Variants in ELN observed in about 807,000 individuals in gnomAD.
The protein encoded by ELN is elastin.
In ELN, 65 loss-of-function variants were observed where a neutral mutation model predicts 105.8. The observed-to-expected ratio is 0.61, with a 90% CI of 0.50 to 0.75. The LOEUF is 0.75. Ranked by LOEUF, ELN falls within the 30% of genes least tolerant of loss-of-function variation. The pLI is 0.00. For synonymous variants in ELN, 368 were observed against 389.2 expected, an observed-to-expected ratio of 0.95 and a Z score of 0.64; for missense variants, 882 against 969.4, an observed-to-expected ratio of 0.91 and a Z score of 1.20.
intron 22 of ELN, 107 bp downstream of exon 22, chr7:74,057,803 G>A: frequency 7.5e-7 from 1 of 1,327,462 alleles, no homozygotes; most frequent in Non-Finnish European, 1.1e-6. Flanking sequence ...CCCCACTTAA[G>A]CTGTCACATT....
intron 9 of ELN, 23 bp from the exon 10 acceptor site, chr7:74,045,199 C>A (rs1792183534): frequency 6.2e-7 from 1 of 1,613,692 alleles, no homozygotes; most frequent in South Asian, 1.1e-5. Context: ...CCTTCCTACA[C>A]TCACTGCTTT....
At chr7:74,038,062 A>G in intron 4 of ELN, 1 of 402,440 alleles carries the variant, frequency 2.5e-6, no homozygotes, top group Non-Finnish European at 4.7e-6. Context: ...GTTAGAGGCA[A>G]CATCAGGGAT....
intron 1 of ELN, among the ~76,000 whole-genome samples, chr7:74,035,123 T>C (rs1385734019): frequency 9.9e-5 from 15 of 152,096 alleles, no homozygotes; most frequent in African/African-American, 3.1e-4. Context: ...AACAAAATGA[T>C]GATAGTAAGC....
At chr7:74,037,196 CTTTT>C (rs532604614) in intron 3 of ELN, among the ~76,000 whole-genome samples, 1 of 138,270 alleles carries the variant, frequency 7.2e-6, no homozygotes. Flanking sequence ...GCACCATCTT[CTTTT>C]TTTTTTTTTT....
intron 22 of ELN, among the ~76,000 whole-genome samples, chr7:74,059,191 G>T (rs1231003105): frequency 6.6e-6 from 1 of 152,112 alleles, no homozygotes; most frequent in Non-Finnish European, 1.5e-5. Flanking sequence ...TTACAGAGTT[G>T]ATTTTATTTT....
intron 9 of ELN, among the ~76,000 whole-genome samples, chr7:74,044,853 C>T (rs1020917973): frequency 6.6e-6 from 1 of 152,216 alleles, no homozygotes; most frequent in Admixed American, 6.5e-5. Context: ...GCGAGAGCCC[C>T]AGAGAGCATG....
intron 12 of ELN, among the ~76,000 whole-genome samples, 161 bp downstream of exon 12, chr7:74,046,928 AC>A (rs1487116962): frequency 6.6e-6 from 1 of 152,182 alleles, no homozygotes; most frequent in Non-Finnish European, 1.5e-5. Context: ...TACTAAAGAT[AC>A]AAAAATTAGC....
chr7:74,052,641 AGAAG>A (rs1307597568), intron 17 of ELN: 52 of 157,400 alleles, frequency 3.3e-4, no homozygotes, highest in East Asian at 9.2e-4. Context: ...AAGGAAGGAA[AGAAG>A]GAAGGAAGGA....
At position 74,043,046 on chromosome 7, in the gene ELN, A is replaced by G; in HGVS notation, c.376+12A>G. ...AGGAGTGTCTGCAGGTACGATGGCT[A>G]TCCCCGAACTCCCTGGGTCAAAGTT... On this transcript the variant is annotated intron_variant, in intron 7 of 32. Coordinates refer to ENST00000252034, the MANE Select transcript of ELN (RefSeq NM_000501.4). 1 of 1,614,088 alleles carries G rather than the reference A, an allele frequency of 6.2e-7. No individual in the cohort carries two copies. The highest frequency in any genetic ancestry group is 8.5e-7 in the Non-Finnish European group (1 of 1,180,000).
chr7:74,048,122 C>T lies in ELN; in HGVS notation c.686-20C>T, dbSNP rs782182363. ...TGGTGATGTCTGCACAGATGACCAT[C>T]AAGCCTCTCTGTTTTGCAGGCTATG... On this transcript the variant is annotated intron_variant, in intron 13 of 32. Coordinates refer to ENST00000252034, the MANE Select transcript of ELN (RefSeq NM_000501.4). 1 of 1,613,856 alleles carries T rather than the reference C, an allele frequency of 6.2e-7. No individual in the cohort carries two copies. The highest frequency in any genetic ancestry group is 1.3e-5 in the African/African-American group (1 of 74,890).
At chr7:74,055,792 A>AT (rs1245408441) in intron 19 of ELN, among the ~76,000 whole-genome samples, 230 of 116,514 alleles carry the variant, frequency 2.0e-3, no homozygotes, top group East Asian at 2.1e-3. Context: ...AAAAAAAGAA[A>AT]TTTTTTTTTT....
intron 17 of ELN, 54 bp downstream of exon 17, chr7:74,052,037 G>C (rs1167916561): frequency 6.2e-7 from 1 of 1,603,612 alleles, no homozygotes; most frequent in African/African-American, 1.3e-5. Context: ...CATAGACCTC[G>C]GAGACCCTAG....
chr7:74,066,093 C>A, intron 31 of ELN, 96 bp downstream of exon 31: 1 of 1,558,996 alleles, frequency 6.4e-7, no homozygotes, highest in Non-Finnish European at 8.8e-7. Flanking sequence ...AGCCCATGTC[C>A]ACACAAGGAC....
At position 74,057,701 on chromosome 7, in the gene ELN, G is replaced by A. The variant is rs1795604185; in HGVS notation, c.1414+5G>A. 1.2e-6 allele frequency: 2 copies of A among 1,613,016 alleles called. No individual in the cohort carries two copies. The highest frequency in any genetic ancestry group is 1.7e-6 in the Non-Finnish European group (2 of 1,179,858). Reference sequence around the variant, plus strand: ...CCGCCAAAGCCGCCCAGTTTGGTAAGTCCCCCTCACCCCCGCCACTGGCTC... The same window carrying A: ...CCGCCAAAGCCGCCCAGTTTGGTAAATCCCCCTCACCCCCGCCACTGGCTC... On this transcript the variant is annotated splice_donor_5th_base_variant and intron_variant, in intron 22 of 32. Coordinates refer to ENST00000252034, the MANE Select transcript of ELN (RefSeq NM_000501.4).
At chr7:74,061,631 G>A (rs782547496) in intron 26 of ELN, among the ~76,000 whole-genome samples, 10 of 152,246 alleles carry the variant, frequency 6.6e-5, no homozygotes, top group African/African-American at 1.7e-4. Flanking sequence ...CGGCCTGGAC[G>A]ACAGAGCGAG....
intron 9 of ELN, among the ~76,000 whole-genome samples, chr7:74,044,894 G>T (rs144722742): frequency 3.9e-5 from 6 of 152,212 alleles, no homozygotes; most frequent in Non-Finnish European, 5.9e-5. Flanking sequence ...GAGTGGCACC[G>T]CGCAGCAGCT....
Position 74,063,181 on chromosome 7 carries a change from G to C in ELN, c.1815G>C (p.Gly605=), listed in dbSNP as rs782187270. 1.2e-6 allele frequency: 2 copies of C among 1,609,408 alleles called. No homozygotes were observed. Among genetic ancestry groups the C allele is most frequent in the South Asian group, 2.2e-5 (2 of 89,280 alleles). The change falls in exon 27 of 33, where the codon GGG becomes GGC. Residue 605 remains glycine (G), a synonymous_variant. Transcript: ENST00000252034. This position sits in a 1 kb window ranked among gnomAD's most constrained non-coding sequence, Gnocchi z 4.1. ...CAGCAGTGCCTGGGGTCCTTGGAGG[G>C]CTCGGGGCTCTCGGTGGAGTAGGCA... The part of the protein sequence containing the change: ...YGAAVPGVLG[G]LGALGGVGIP...
Position 74,044,953 on chromosome 7 carries a change from G to A in ELN, c.470-269G>A, listed in dbSNP as rs539981276. 3.9e-5 allele frequency among the ~76,000 whole-genome samples: 6 copies of A among 152,330 alleles called. No homozygotes were observed. In the East Asian group the frequency reaches 9.7e-4, roughly 25 times the overall value. ...GGAGGGTGGTCGAGACGGCTTTTGT[G>A]ATTAACTCCAGCATAGAGATGAGGC... is the stretch of plus-strand genomic sequence containing the variant. On this transcript the variant is annotated intron_variant, in intron 9 of 32. Coordinates refer to ENST00000252034, the MANE Select transcript of ELN (RefSeq NM_000501.4).
chr7:74,049,051 CCATT>C (rs1793257549), intron 15 of ELN, among the ~76,000 whole-genome samples: 1 of 138,550 alleles, frequency 7.2e-6, no homozygotes, highest in African/African-American at 2.7e-5. Flanking sequence ...CTCCCTCCAT[CCATT>C]CATCCATCCA....
Sources: gnomAD v4.1 joint callset for allele counts (sites outside exome capture counted in the v4.1 genomes callset) on GRCh38, gnomAD v4.1.1 for gene constraint, Gnocchi (gnomAD v3.1) non-coding constraint, MANE v1.5 for transcripts, NCBI Gene and HGNC (gene_info 2026-07-23, HGNC 2026-07-21) for gene names.